The following AR variants were observed in gnomAD, a reference collection of about 807,000 sequenced individuals.
AR encodes dihydrotestosterone receptor.
In AR, 8 loss-of-function variants were observed where a neutral mutation model predicts 53.9. The ratio of observed to expected loss-of-function variants is 0.15; its 90% CI spans 0.09 to 0.27. The LOEUF is 0.27. Ranked by LOEUF, AR falls within the 10% of genes least tolerant of loss-of-function variation. AR has a pLI of 1.00. For synonymous variants in AR, 359 were observed against 316.4 expected, an observed-to-expected ratio of 1.13 and a Z score of -1.43; for missense variants, 639 against 742.5, an observed-to-expected ratio of 0.86 and a Z score of 1.62.
At chrX:67,607,699 A>T (rs1923693929) in intron 1 of AR, among the ~76,000 whole-genome samples, 1 of 112,241 alleles carries the variant, frequency 8.9e-6, no homozygotes, top group Non-Finnish European at 1.9e-5. Flanking sequence ...AAATAGTAAA[A>T]GAACAATTCA....
At chrX:67,653,060 A>G (rs1926422001) in intron 2 of AR, among the ~76,000 whole-genome samples, 1 of 111,879 alleles carries the variant, frequency 8.9e-6, no homozygotes, top group African/African-American at 3.2e-5. Flanking sequence ...AATGACTGGC[A>G]CTTTCCCCAC....
chrX:67,545,313 T>TGCTGCA lies in AR; in HGVS notation c.170_175dup (p.Leu57_Gln58dup), dbSNP rs1489924686. On this transcript the variant is annotated inframe_insertion, in exon 1 of 8. Coordinates refer to ENST00000374690, the MANE Select transcript of AR (RefSeq NM_000044.6). ...GCACCTCCCGGCGCCAGTTTGCTGC[T>TGCTGCA]GCTGCAGCAGCAGCAGCAGCAGCAG... is the stretch of plus-strand genomic sequence containing the variant. 9.1e-7 allele frequency: 1 copy of TGCTGCA among 1,098,701 alleles called. No individual in the cohort carries two copies. The highest frequency in any genetic ancestry group is 2.9e-5 in the Admixed American group (1 of 34,816). The allele number at this position is 1,098,701 out of a possible 1,213,427, so 90.5% of individuals were successfully genotyped here.
intron 2 of AR, among the ~76,000 whole-genome samples, chrX:67,668,860 G>GC (rs777482104): frequency 9.0e-6 from 1 of 110,600 alleles, no homozygotes; most frequent in East Asian, 2.8e-4. Flanking sequence ...TGCTCATAAT[G>GC]CCCTCTAATG....
Position 67,545,470 on chromosome X carries a change from G to C in AR, c.324G>C (p.Leu108=), listed in dbSNP as rs147677446. ...ATCGTAGAGGCCCCACAGGCTACCT[G>C]GTCCTGGATGAGGAACAGCAACCTT... ...QAHRRGPTGY[L]VLDEEQQPSQ... is the part of the protein sequence containing the mutation. Residue 108 remains leucine (L), a synonymous_variant, in exon 1 of 8, where the codon CTG becomes CTC. Transcript: ENST00000374690. The C allele has an allele frequency of 7.5e-4, 899 of 1,197,908 alleles. 3 individuals carry two copies. The African/African-American group carries it at 0.013, about 18-fold the overall frequency.
chrX:67,643,267 C>A lies in AR; in HGVS notation c.1628C>A (p.Ala543Asp), dbSNP rs2147435819. 8.3e-7 allele frequency: 1 copy of A among 1,211,441 alleles called. No homozygotes were observed. Among genetic ancestry groups the A allele is most frequent in the Non-Finnish European group, 1.1e-6 (1 of 895,280 alleles). The change falls in exon 2 of 8, where the codon GCC (alanine) becomes GAC (aspartate). Residue 543 changes from alanine to aspartate, a missense_variant. Physicochemically the swap from Ala to Asp is moderately radical, Grantham distance 126. This residue lies in a region of AR where 423 missense variants were observed against 377.0 expected (regional missense o/e 1.12). Transcript: ENST00000374690. ...GPYGDMRLET[A>D]RDHVLPIDYY... ...TTGTGTCTTTCCAGTTTGGAGACTG[C>A]CAGGGACCATGTTTTGCCCATTGAC...
At chrX:67,579,671 C>G (rs1922202939) in intron 1 of AR, among the ~76,000 whole-genome samples, 1 of 111,741 alleles carries the variant, frequency 8.9e-6, no homozygotes, top group South Asian at 3.8e-4. Flanking sequence ...CTCCTAGGCA[C>G]ATGAAGGAAA....
intron 1 of AR, among the ~76,000 whole-genome samples, chrX:67,599,338 G>T (rs16989056): frequency 8.9e-6 from 1 of 111,742 alleles, no homozygotes; most frequent in Non-Finnish European, 1.9e-5. Flanking sequence ...GATTCATGGC[G>T]TAGTGAGTTC....
At chrX:67,668,546 GT>G (rs1209273298) in intron 2 of AR, among the ~76,000 whole-genome samples, 1 of 110,833 alleles carries the variant, frequency 9.0e-6, no homozygotes, top group African/African-American at 3.3e-5. Context: ...TGTCTTTTGG[GT>G]TTTGTTATCA....
At position 67,723,906 on chromosome X, in the gene AR, T is replaced by C. The variant is rs2147541213; in HGVS notation, c.*65T>C. ...CCTTTCAGATGTCTTCTGCCTGTTA[T>C]AACTCTGCACTACTCCTCTGCAGTG... On this transcript the variant is annotated 3_prime_UTR_variant, in exon 8 of 8. Transcript: ENST00000374690. The C allele has an allele frequency of 1.7e-6, 2 of 1,168,443 alleles. No homozygotes were observed. The highest frequency in any genetic ancestry group is 1.2e-6 in the Non-Finnish European group (1 of 863,080).
At chrX:67,648,387 A>G (rs752024844) in intron 2 of AR, among the ~76,000 whole-genome samples, 1 of 111,614 alleles carries the variant, frequency 9.0e-6, no homozygotes, top group African/African-American at 3.3e-5. Flanking sequence ...CATATATTCC[A>G]GATGGTAAAA....
At chrX:67,613,220 G>T (rs893343064) in intron 1 of AR, among the ~76,000 whole-genome samples, 1 of 111,997 alleles carries the variant, frequency 8.9e-6, no homozygotes, top group African/African-American at 3.2e-5. Context: ...GGGAGAAGCA[G>T]GTCACTGCCC....
intron 2 of AR, among the ~76,000 whole-genome samples, chrX:67,647,914 G>A (rs914953111): frequency 4.5e-5 from 5 of 111,824 alleles, no homozygotes; most frequent in African/African-American, 1.3e-4. Flanking sequence ...TTCACATGTC[G>A]TTTAATATTA....
At chrX:67,607,861 C>T (rs973021283) in intron 1 of AR, among the ~76,000 whole-genome samples, 2 of 111,334 alleles carry the variant, frequency 1.8e-5, no homozygotes, top group Non-Finnish European at 3.8e-5. Context: ...TCTTCCCTGC[C>T]GTATTTTGGC....
chrX:67,637,039 GA>G (rs1238682695), intron 1 of AR, among the ~76,000 whole-genome samples: 2 of 111,147 alleles, frequency 1.8e-5, no homozygotes, highest in Non-Finnish European at 3.8e-5. Context: ...TAGATTGCTT[GA>G]AAAAATTTTA....
At chrX:67,710,968 A>G (rs1341478228) in intron 3 of AR, among the ~76,000 whole-genome samples, 2 of 112,592 alleles carry the variant, frequency 1.8e-5, no homozygotes, top group Admixed American at 1.9e-4. Context: ...GATTGTGGCC[A>G]GGCTACCAGA....
intron 2 of AR, among the ~76,000 whole-genome samples, chrX:67,671,810 G>A (rs768568018): frequency 2.5e-4 from 28 of 111,958 alleles, no homozygotes; most frequent in African/African-American, 8.4e-4. Flanking sequence ...TCAGTTTTCT[G>A]CATGAGGCTA....
intron 1 of AR, among the ~76,000 whole-genome samples, chrX:67,581,087 C>T (rs920012002): frequency 4.5e-5 from 5 of 111,662 alleles, no homozygotes; most frequent in Non-Finnish European, 7.5e-5. Context: ...AACTTTAGCA[C>T]GTATATACAT....
intron 1 of AR, among the ~76,000 whole-genome samples, chrX:67,618,132 T>G (rs1475979845): frequency 2.7e-5 from 3 of 111,670 alleles, no homozygotes; most frequent in African/African-American, 9.7e-5. Flanking sequence ...TTTATCTTAA[T>G]GTGTAGTGTA....
In AR at chrX:67,570,712, CTT is replaced by C. The variant is rs771010547; in HGVS notation, c.1616+23951_1616+23952del. ...ACAAATAAGAATTATTGTGATGAGACTTATCACAAATAAGAATTATTGTGATA... is the reference window on the plus strand; with the variant it reads ...ACAAATAAGAATTATTGTGATGAGACATCACAAATAAGAATTATTGTGATA... On this transcript the variant is annotated intron_variant, in intron 1 of 7. Transcript: ENST00000374690. Among the ~76,000 whole-genome samples the C allele has an allele frequency of 1.0e-4, 11 of 110,074 alleles. No individual in the cohort carries two copies. In the East Asian group the frequency reaches 2.6e-3, roughly 26 times the overall value.
Sources: gnomAD v4.1 joint callset for allele counts (sites outside exome capture counted in the v4.1 genomes callset) on GRCh38, gnomAD v4.1.1 for gene constraint, gnomAD v4.1.1 regional missense constraint, MANE v1.5 for transcripts, NCBI Gene and HGNC (gene_info 2026-07-23, HGNC 2026-07-21) for gene names.